The following RALGPS1 variants were observed in gnomAD, a reference collection of about 807,000 sequenced individuals.
The protein encoded by RALGPS1 is ras-specific guanine nucleotide-releasing factor RalGPS1.
RALGPS1 carries 19 observed loss-of-function variants against 78.8 expected under a neutral mutation model. The ratio of observed to expected loss-of-function variants is 0.24; its 90% confidence interval spans 0.17 to 0.35. The LOEUF is 0.35. RALGPS1 is among the 10% of genes least tolerant of loss of function. The probability of loss-of-function intolerance (pLI) is 1.00; values close to 1 mark genes in which losing one functional copy is unlikely to be tolerated. For missense variants in RALGPS1, 454 were observed against 688.3 expected (o/e 0.66, Z 3.81); for synonymous variants, 228 against 256.3 (o/e 0.89, Z 1.06).
At chr9:127,053,020 T>C (rs541355741) in intron 7 of RALGPS1, 81 bp downstream of exon 7, 1 of 979,028 alleles carries the variant, frequency 1.0e-6, no homozygotes, top group East Asian at 2.4e-5. Flanking sequence ...CCCCAGCCTT[T>C]CTCTTACTGT....
Position 127,212,598 on chromosome 9 carries a change from G to T in RALGPS1, c.1354-29G>T, listed in dbSNP as rs368572384. 1.3e-6 allele frequency: 2 copies of T among 1,519,506 alleles called. No individual in the cohort carries two copies. The highest frequency in any genetic ancestry group is 9.1e-7 in the Non-Finnish European group (1 of 1,101,706). 94.1% of individuals were successfully genotyped at this position (1,519,506 alleles called of 1,614,324 possible). ...TCCTCTACCCCCACGACCCCTGGTG[G>T]CATCACTCAGCCTCCCCTTCCTCTG... On this transcript the variant is annotated intron_variant, in intron 15 of 18. Coordinates refer to ENST00000259351, the MANE Select transcript of RALGPS1 (RefSeq NM_014636.3). The surrounding 1 kb of genome is among the most constrained non-coding windows in gnomAD (Gnocchi z 6.0).
chr9:126,999,409 C>T (rs1247069415), intron 4 of RALGPS1, among the ~76,000 whole-genome samples: 1 of 152,182 alleles, frequency 6.6e-6, no homozygotes, highest in Non-Finnish European at 1.5e-5. Context: ...AATATGTAAT[C>T]ACATGCATCT....
At chr9:127,146,845 G>T (rs2058124784) in intron 8 of RALGPS1, among the ~76,000 whole-genome samples, 1 of 152,174 alleles carries the variant, frequency 6.6e-6, no homozygotes, top group Admixed American at 6.5e-5. Context: ...CACCCAGCCT[G>T]AATGTGTCTT....
intron 7 of RALGPS1, among the ~76,000 whole-genome samples, chr9:127,066,549 G>A (rs564714414): frequency 6.6e-6 from 1 of 152,304 alleles, no homozygotes; most frequent in South Asian, 2.1e-4. Context: ...GCTGAGACAC[G>A]ATAATTGCTT....
In RALGPS1 at chr9:127,221,907, G is replaced by A. The variant is rs1282074730; in HGVS notation, c.*3138G>A. ...CAGGTGGGGCCCAGAGCCCTTCCCC[G>A]AGACTGCTGATGTCTGTAACCACTG... is the stretch of plus-strand genomic sequence containing the variant. On this transcript the variant is annotated 3_prime_UTR_variant, in exon 19 of 19. Transcript: ENST00000259351. 1 of 152,108 alleles carries A rather than the reference G, an allele frequency of 6.6e-6. No individual in the cohort carries two copies. The highest frequency in any genetic ancestry group is 1.5e-5 in the Non-Finnish European group (1 of 68,018). The allele number at this position is 152,108 out of a possible 1,614,324, so 9.4% of individuals were successfully genotyped here.
At chr9:127,192,801 G>A (rs563476246) in intron 11 of RALGPS1, among the ~76,000 whole-genome samples, 4 of 152,336 alleles carry the variant, frequency 2.6e-5, no homozygotes, top group African/African-American at 7.2e-5. Context: ...AGGATCTCAC[G>A]GAAGAGGTGG....
chr9:126,985,137 G>A (rs1172139678), intron 4 of RALGPS1, among the ~76,000 whole-genome samples: 1 of 152,248 alleles, frequency 6.6e-6, no homozygotes, highest in Non-Finnish European at 1.5e-5. Context: ...GCATGGCAGT[G>A]TGCAGATCTG....
chr9:127,063,512 CTATTT>C (rs1554813766), intron 7 of RALGPS1, among the ~76,000 whole-genome samples: 1 of 151,944 alleles, frequency 6.6e-6, no homozygotes, highest in Non-Finnish European at 1.5e-5. Context: ...GAAATTTTAC[CTATTT>C]TATTGATATT....
At chr9:127,133,859 G>A (rs2138334670) in intron 8 of RALGPS1, among the ~76,000 whole-genome samples, 1 of 152,138 alleles carries the variant, frequency 6.6e-6, no homozygotes, top group South Asian at 2.1e-4. Flanking sequence ...TGGTCAGAGT[G>A]TTTATCTTTG....
chr9:126,945,925 G>A (rs75335210), intron 1 of RALGPS1, among the ~76,000 whole-genome samples: 2,985 of 152,232 alleles, frequency 0.02, 108 homozygotes, highest in Non-Finnish European at 0.022. Context: ...TCTCCAGCTG[G>A]GTATGCTTTA....
At chr9:127,026,992 G>C (rs2046014446) in intron 4 of RALGPS1, among the ~76,000 whole-genome samples, 1 of 152,170 alleles carries the variant, frequency 6.6e-6, no homozygotes, top group Non-Finnish European at 1.5e-5. Flanking sequence ...CCAGTACACT[G>C]ACCTTTCATT....
At chr9:127,182,364 TCCTTCCTCCCTCCCTCCCTC>T (rs1434351300) in intron 11 of RALGPS1, among the ~76,000 whole-genome samples, 2 of 125,664 alleles carry the variant, frequency 1.6e-5, no homozygotes, top group Non-Finnish European at 3.3e-5. Flanking sequence ...CTTCCTTCCT[TCCTTCCTCCCTCCCTCCCTC>T]CCTCCCTCCC....
At chr9:126,985,498 A>G (rs545712337) in intron 4 of RALGPS1, among the ~76,000 whole-genome samples, 4 of 152,278 alleles carry the variant, frequency 2.6e-5, no homozygotes, top group Admixed American at 1.3e-4. Flanking sequence ...TTGTTACTTA[A>G]TTCCCTTGAT....
chr9:127,046,852 C>T (rs2047837600), intron 5 of RALGPS1, among the ~76,000 whole-genome samples: 1 of 151,752 alleles, frequency 6.6e-6, no homozygotes, highest in Non-Finnish European at 1.5e-5. Context: ...GCAAATAATA[C>T]AAATGACCTA....
intron 3 of RALGPS1, among the ~76,000 whole-genome samples, chr9:126,968,689 G>C (rs538512733): frequency 2.0e-5 from 3 of 152,312 alleles, no homozygotes; most frequent in Admixed American, 6.5e-5. Context: ...AACCAGGGCT[G>C]TCTGACACTG....
rs557691990 is a variant in RALGPS1, at chr9:127,167,173, T to C, written c.748+967T>C. Among the ~76,000 whole-genome samples, 195 of 152,070 alleles carry C rather than the reference T, an allele frequency of 1.3e-3. 4 individuals are homozygous for C. In the South Asian group the frequency reaches 0.039, roughly 31 times the overall value. On this transcript the variant is annotated intron_variant, in intron 9 of 18. Transcript: ENST00000259351. ...TTGCTGTGCGTAGGGTGTGAGAAAA[T>C]CCACAGCCTCCGTTTGGGAATGTCA... is the stretch of plus-strand genomic sequence containing the variant.
intron 8 of RALGPS1, among the ~76,000 whole-genome samples, chr9:127,160,712 C>G (rs1375688973): frequency 6.6e-6 from 1 of 152,220 alleles, no homozygotes; most frequent in Non-Finnish European, 1.5e-5. Context: ...TGACTTCCAG[C>G]CCCCAGCCTC....
At chr9:127,189,173 T>G (rs1251323248) in intron 11 of RALGPS1, among the ~76,000 whole-genome samples, 1 of 152,106 alleles carries the variant, frequency 6.6e-6, no homozygotes, top group Admixed American at 6.5e-5. Flanking sequence ...TCACCACAGA[T>G]CAGATTCCCT....
intron 11 of RALGPS1, among the ~76,000 whole-genome samples, chr9:127,180,658 C>T (rs1445062146): frequency 6.6e-6 from 1 of 152,236 alleles, no homozygotes; most frequent in African/African-American, 2.4e-5. Flanking sequence ...GCCGTCCAGA[C>T]ATCGGGGAGT....
Sources: gnomAD v4.1 joint callset for allele counts (sites outside exome capture counted in the v4.1 genomes callset) on GRCh38, gnomAD v4.1.1 for gene constraint, Gnocchi (gnomAD v3.1) non-coding constraint, MANE v1.5 for transcripts, NCBI Gene and HGNC (gene_info 2026-07-23, HGNC 2026-07-21) for gene names.